The following RIMBP2 variants were observed in gnomAD, a reference collection of about 807,000 sequenced individuals.
The protein encoded by RIMBP2 is RIMS-binding protein 2.
RIMBP2 carries 48 observed loss-of-function variants against 118.6 expected under a neutral mutation model. The observed-to-expected ratio is 0.40, with a 90% CI of 0.32 to 0.51. The LOEUF is 0.51. RIMBP2 is among the 20% of genes least tolerant of loss of function. RIMBP2 has a pLI of 0.41. For missense variants in RIMBP2, 1,551 were observed against 1,768.3 expected, an observed-to-expected ratio of 0.88 and a Z score of 2.20; for synonymous variants, 762 against 742.9, an observed-to-expected ratio of 1.03 and a Z score of -0.42.
At chr12:130,649,389 G>A (rs891027377) in intron 1 of RIMBP2, among the ~76,000 whole-genome samples, 2 of 152,212 alleles carry the variant, frequency 1.3e-5, no homozygotes, top group African/African-American at 2.4e-5. Context: ...GGGGCCTCAT[G>A]GCCTCCGCAT....
Position 130,397,444 on chromosome 12 carries a change from C to T in RIMBP2, c.4006G>A (p.Gly1336Ser), listed in dbSNP as rs2074147566. The change falls in exon 23 of 23, where the codon GGC (glycine) becomes AGC (serine). Residue 1336 changes from glycine (G) to serine (S), a missense_variant. By Grantham distance (56) the Gly-to-Ser change is moderately conservative. Around this residue, in one of 5 missense-constraint regions of RIMBP2, gnomAD observed 1,038 missense variants for 1,125.1 expected, o/e 0.92. Transcript: ENST00000690449. The part of the protein sequence containing the change: ...SSMGSGSPGR[G>S]REMSSKKKKG... ...TTCTTTTTCGAGGACATTTCCCTGC[C>T]TCTCCCAGGACTACCAGAACCCATA... 5.0e-6 allele frequency: 2 copies of T among 398,908 alleles called. No homozygotes were observed. Among genetic ancestry groups the T allele is most frequent in the Non-Finnish European group, 8.8e-6 (2 of 226,102 alleles). 24.7% of individuals were successfully genotyped at this position (398,908 alleles called of 1,614,324 possible).
At chr12:130,583,081 T>C (rs188815132) in intron 2 of RIMBP2, among the ~76,000 whole-genome samples, 1 of 152,274 alleles carries the variant, frequency 6.6e-6, no homozygotes, top group East Asian at 1.9e-4. Context: ...AACCAACATG[T>C]TAAATATCAA....
intron 4 of RIMBP2, among the ~76,000 whole-genome samples, chr12:130,493,831 C>T (rs1388460894): frequency 6.6e-6 from 1 of 152,184 alleles, no homozygotes; most frequent in Non-Finnish European, 1.5e-5. Flanking sequence ...CATTTATGTA[C>T]ATGAAAGAGT....
intron 2 of RIMBP2, among the ~76,000 whole-genome samples, chr12:130,612,936 C>A (rs2060652101): frequency 6.6e-6 from 1 of 151,314 alleles, no homozygotes; most frequent in Non-Finnish European, 1.5e-5. Context: ...CCCGGGTAAC[C>A]CCGATGATTA....
intron 1 of RIMBP2, among the ~76,000 whole-genome samples, chr12:130,637,346 G>A (rs1361048741): frequency 6.6e-6 from 1 of 152,240 alleles, no homozygotes; most frequent in Non-Finnish European, 1.5e-5. Context: ...TCCCAGCCTA[G>A]AGCAGTGCCT....
intron 4 of RIMBP2, among the ~76,000 whole-genome samples, chr12:130,494,696 C>T (rs1466248285): frequency 1.3e-5 from 2 of 151,912 alleles, no homozygotes; most frequent in East Asian, 1.9e-4. Flanking sequence ...AGGTAACCCA[C>T]GGAGGCCTCC....
chr12:130,669,901 G>A (rs1348036861), intron 1 of RIMBP2, among the ~76,000 whole-genome samples: 2 of 152,238 alleles, frequency 1.3e-5, no homozygotes, highest in Middle Eastern at 3.4e-3. Flanking sequence ...GTTGAAGGCC[G>A]GGGCTCAGTA....
At chr12:130,534,478 T>C (rs1169396766) in intron 2 of RIMBP2, among the ~76,000 whole-genome samples, 2 of 152,170 alleles carry the variant, frequency 1.3e-5, no homozygotes, top group African/African-American at 4.8e-5. Flanking sequence ...ATTCTGGTTA[T>C]GCTAGAAGCT....
chr12:130,681,299 A>T (rs1413083906), intron 1 of RIMBP2, among the ~76,000 whole-genome samples: 1 of 151,754 alleles, frequency 6.6e-6, no homozygotes, highest in Non-Finnish European at 1.5e-5. Flanking sequence ...AAAAAATAAA[A>T]ATAAATGCAT....
intron 2 of RIMBP2, among the ~76,000 whole-genome samples, chr12:130,558,521 C>A (rs933250500): frequency 6.6e-6 from 1 of 152,064 alleles, no homozygotes; most frequent in East Asian, 1.9e-4. Flanking sequence ...GCTAAGGGTA[C>A]GTCAGCAGCC....
At chr12:130,573,057 G>A (rs1052256679) in intron 2 of RIMBP2, among the ~76,000 whole-genome samples, 9 of 152,114 alleles carry the variant, frequency 5.9e-5, no homozygotes, top group African/African-American at 1.9e-4. Context: ...AGTGCCCAGC[G>A]CCTGCCCCAA....
At chr12:130,471,162 C>T (rs987051050) in intron 5 of RIMBP2, among the ~76,000 whole-genome samples, 11 of 152,354 alleles carry the variant, frequency 7.2e-5, no homozygotes, top group Admixed American at 3.9e-4. Context: ...GGGGCTGGGT[C>T]CTGAGCATGC....
intron 2 of RIMBP2, among the ~76,000 whole-genome samples, chr12:130,573,448 G>A (rs1029936986): frequency 6.6e-5 from 10 of 152,016 alleles, no homozygotes; most frequent in Middle Eastern, 3.4e-3. Context: ...GCGTGGGTGC[G>A]TGCGTGGGTG....
intron 2 of RIMBP2, among the ~76,000 whole-genome samples, chr12:130,552,861 C>T (rs1828945): frequency 1 from 152,288 of 152,308 alleles, 76,134 homozygotes; most frequent in Middle Eastern, 1. Context: ...TCAGAGAAAA[C>T]AGGACAGGTC....
intron 3 of RIMBP2, among the ~76,000 whole-genome samples, chr12:130,509,145 C>A (rs2050655131): frequency 1.3e-5 from 2 of 152,228 alleles, no homozygotes; most frequent in Non-Finnish European, 2.9e-5. Context: ...GCCTGGGAAG[C>A]AGGATTTGGG....
At chr12:130,691,944 G>A (rs748266203) in intron 1 of RIMBP2, among the ~76,000 whole-genome samples, 9 of 152,200 alleles carry the variant, frequency 5.9e-5, no homozygotes, top group Non-Finnish European at 1.0e-4. Context: ...CTAGAACGAG[G>A]AGAAGCGGAT....
intron 2 of RIMBP2, among the ~76,000 whole-genome samples, chr12:130,603,723 TCA>T (rs1198594132): frequency 6.6e-6 from 1 of 152,118 alleles, no homozygotes; most frequent in Non-Finnish European, 1.5e-5. Context: ...CCCGGTGACT[TCA>T]CAGCCAAGGT....
rs1022261420 is a variant in RIMBP2 at position 130,420,315 on chromosome 12, A to G, written c.3238+2138T>C. 5.3e-5 allele frequency among the ~76,000 whole-genome samples: 8 copies of G among 152,052 alleles called. No homozygotes were observed. The highest frequency in any genetic ancestry group is 1.9e-4 in the African/African-American group (8 of 41,390). On this transcript the variant is annotated intron_variant, in intron 17 of 22. Transcript: ENST00000690449. This position sits in a 1 kb window ranked among gnomAD's most constrained non-coding sequence, Gnocchi z 4.3. ...ATGTGGTGTCCCGGCTTGCTACATG[A>G]TAAGAAGTCAGCACAATTAAAGCAA...
chr12:130,572,507 C>T (rs1369057119), intron 2 of RIMBP2, among the ~76,000 whole-genome samples: 1 of 152,082 alleles, frequency 6.6e-6, no homozygotes, highest in African/African-American at 2.4e-5. Context: ...CGACCTGATT[C>T]TTCCATCCCT....
Sources: allele counts gnomAD v4.1 joint callset (sites outside exome capture counted in the v4.1 genomes callset), GRCh38; gene constraint gnomAD v4.1.1; regional missense constraint gnomAD v4.1.1; non-coding constraint Gnocchi (gnomAD v3.1); transcripts MANE v1.5; gene names NCBI Gene and HGNC (gene_info 2026-07-23, HGNC 2026-07-21).